Variants in CAMK1D observed in about 807,000 individuals in gnomAD.
The protein encoded by CAMK1D is calcium/calmodulin-dependent protein kinase type 1D.
A neutral mutation model predicts 47.7 loss-of-function variants in CAMK1D; 9 were observed. The observed-to-expected ratio is 0.19, with a 90% CI of 0.11 to 0.33. The LOEUF is 0.33. Ranked by LOEUF, CAMK1D falls within the 10% of genes least tolerant of loss-of-function variation. The probability of loss-of-function intolerance (pLI) is 1.00; values close to 1 mark genes in which losing one functional copy is unlikely to be tolerated. For synonymous variants in CAMK1D, 184 were observed against 184.9 expected (o/e 0.99, Z 0.04); for missense variants, 291 against 488.7 (o/e 0.60, Z 3.81).
chr10:12,675,640 C>T (rs907386370), intron 3 of CAMK1D, among the ~76,000 whole-genome samples: 1 of 152,212 alleles, frequency 6.6e-6, no homozygotes, highest in African/African-American at 2.4e-5. Flanking sequence ...TCTTTCTTCC[C>T]CCAGTCCTAC....
At chr10:12,613,277 C>A (rs1320795099) in intron 2 of CAMK1D, among the ~76,000 whole-genome samples, 1 of 152,206 alleles carries the variant, frequency 6.6e-6, no homozygotes, top group African/African-American at 2.4e-5. Context: ...TGATAGATGG[C>A]TCCCTATAAC....
At chr10:12,710,702 T>G (rs1833905291) in intron 3 of CAMK1D, among the ~76,000 whole-genome samples, 1 of 151,774 alleles carries the variant, frequency 6.6e-6, no homozygotes. Flanking sequence ...ACCTTAGGAG[T>G]CAGGACCCAG....
At chr10:12,795,348 G>C (rs757778861) in intron 6 of CAMK1D, among the ~76,000 whole-genome samples, 1 of 152,134 alleles carries the variant, frequency 6.6e-6, no homozygotes, top group Non-Finnish European at 1.5e-5. Flanking sequence ...ATCAGAACTC[G>C]TTTGTCTCAT....
intron 2 of CAMK1D, among the ~76,000 whole-genome samples, chr10:12,568,081 C>CTCCCACCTTGCCTGCCTGCCT (rs1477315965): frequency 6.6e-6 from 1 of 151,688 alleles, no homozygotes; most frequent in Non-Finnish European, 1.5e-5. Context: ...CCTGCCCGCC[C>CTCCCACCTTGCCTGCCTGCCT]TCCCACCTTG....
chr10:12,434,737 T>G (rs957376354), intron 1 of CAMK1D, among the ~76,000 whole-genome samples: 3 of 152,216 alleles, frequency 2.0e-5, no homozygotes, highest in African/African-American at 7.2e-5. Flanking sequence ...ACATTTGATG[T>G]TCACCGGGTA....
chr10:12,559,414 C>T (rs79357978), intron 2 of CAMK1D, among the ~76,000 whole-genome samples: 4,487 of 152,198 alleles, frequency 0.029, 234 homozygotes, highest in African/African-American at 0.1. Flanking sequence ...CACCCGCCAC[C>T]CACTGATCCT....
intron 6 of CAMK1D, among the ~76,000 whole-genome samples, chr10:12,801,330 T>TA (rs1210581842): frequency 3.1e-4 from 37 of 120,256 alleles, no homozygotes; most frequent in Non-Finnish European, 4.4e-4. Flanking sequence ...TCTATCTATC[T>TA]ATCTATCTAT....
chr10:12,505,099 A>G (rs775059412), intron 1 of CAMK1D, among the ~76,000 whole-genome samples: 1 of 152,324 alleles, frequency 6.6e-6, no homozygotes, highest in Non-Finnish European at 1.5e-5. Context: ...ATCGCTGTTT[A>G]TGTTGGAGGT....
chr10:12,615,496 G>A (rs1838757615), intron 2 of CAMK1D, among the ~76,000 whole-genome samples: 1 of 151,440 alleles, frequency 6.6e-6, no homozygotes, highest in South Asian at 2.1e-4. Context: ...GTGTGCATGT[G>A]TACATGTATA....
chr10:12,719,633 T>C (rs923940293), intron 3 of CAMK1D, among the ~76,000 whole-genome samples: 1 of 152,108 alleles, frequency 6.6e-6, no homozygotes, highest in African/African-American at 2.4e-5. Flanking sequence ...CACTAACCTT[T>C]CCACTGACAG....
At chr10:12,470,377 A>G (rs1337320649) in intron 1 of CAMK1D, among the ~76,000 whole-genome samples, 1 of 152,186 alleles carries the variant, frequency 6.6e-6, no homozygotes, top group African/African-American at 2.4e-5. Flanking sequence ...TTCTGTGCAT[A>G]GTCAACACAA....
chr10:12,428,216 C>T (rs1840317811), intron 1 of CAMK1D, among the ~76,000 whole-genome samples: 1 of 152,054 alleles, frequency 6.6e-6, no homozygotes, highest in Admixed American at 6.6e-5. Context: ...TGTTCCCCTC[C>T]CTGTGTCCAT....
At chr10:12,471,682 C>G (rs1833750466) in intron 1 of CAMK1D, among the ~76,000 whole-genome samples, 1 of 152,190 alleles carries the variant, frequency 6.6e-6, no homozygotes, top group Non-Finnish European at 1.5e-5. Flanking sequence ...GATCTGATTT[C>G]TTCCTTTCCT....
chr10:12,662,611 C>G (rs1319207555), intron 2 of CAMK1D, among the ~76,000 whole-genome samples: 1 of 150,362 alleles, frequency 6.7e-6, no homozygotes, highest in Non-Finnish European at 1.5e-5. Context: ...GAGATTGCAC[C>G]ACTGCACTCC....
At chr10:12,688,342 C>G (rs1832738149) in intron 3 of CAMK1D, among the ~76,000 whole-genome samples, 1 of 152,158 alleles carries the variant, frequency 6.6e-6, no homozygotes, top group Admixed American at 6.6e-5. Flanking sequence ...GAACATAGTT[C>G]TGCTTTCATC....
intron 5 of CAMK1D, among the ~76,000 whole-genome samples, chr10:12,785,038 C>G (rs1837663487): frequency 6.6e-6 from 1 of 152,204 alleles, no homozygotes; most frequent in Non-Finnish European, 1.5e-5. Context: ...GGGAACCCAA[C>G]CGTTGTGCCC....
intron 6 of CAMK1D, among the ~76,000 whole-genome samples, chr10:12,808,445 C>A (rs541937056): frequency 6.6e-6 from 1 of 152,152 alleles, no homozygotes; most frequent in African/African-American, 2.4e-5. Flanking sequence ...GGTAGGCCTA[C>A]GTAGGCCAGG....
intron 1 of CAMK1D, among the ~76,000 whole-genome samples, chr10:12,362,537 C>T (rs996424485): frequency 6.6e-5 from 10 of 152,096 alleles, no homozygotes; most frequent in Non-Finnish European, 1.5e-4. Flanking sequence ...TCGCCCCGTC[C>T]CCCAGGCTGG....
intron 3 of CAMK1D, among the ~76,000 whole-genome samples, chr10:12,681,225 C>T (rs1564488006): frequency 1.3e-5 from 2 of 152,380 alleles, no homozygotes; most frequent in Admixed American, 6.5e-5. Flanking sequence ...GCCACCACTC[C>T]GTGTCTGCCC....
Sources: allele counts gnomAD v4.1 joint callset (sites outside exome capture counted in the v4.1 genomes callset), GRCh38; gene constraint gnomAD v4.1.1; transcripts MANE v1.5; gene names NCBI Gene and HGNC (gene_info 2026-07-23, HGNC 2026-07-21).